The following LYRM4 variants were observed in gnomAD, a reference collection of about 807,000 sequenced individuals.
The protein encoded by LYRM4 is LYR motif-containing protein 4.
A neutral mutation model predicts 11.7 loss-of-function variants in LYRM4; 9 were observed. The observed-to-expected ratio is 0.77, with a 90% confidence interval of 0.46 to 1.34. LYRM4 has a LOEUF of 1.34. LYRM4 is among the 40% of genes most tolerant of loss of function. LYRM4 has a pLI of 0.00. For synonymous variants in LYRM4, 42 were observed against 40.4 expected, an observed-to-expected ratio of 1.04 and a Z score of -0.15; for missense variants, 133 against 112.5, an observed-to-expected ratio of 1.18 and a Z score of -0.82.
rs543801583 is a variant in LYRM4 at position 5,118,590 on chromosome 6, C to T, written c.208-9099G>A. ...GCCTGCAATTCATGCAGCAATTGTC[C>T]CTGGTGAGATCCCAGCATGGAGAGG... On this transcript the variant is annotated intron_variant, in intron 2 of 2. Coordinates refer to ENST00000330636, the MANE Select transcript of LYRM4 (RefSeq NM_020408.6). 1.2e-4 allele frequency among the ~76,000 whole-genome samples: 19 copies of T among 152,244 alleles called. No individual in the cohort carries two copies. The South Asian group carries it at 3.7e-3, about 30-fold the overall frequency.
intron 2 of LYRM4, among the ~76,000 whole-genome samples, chr6:5,150,538 G>T (rs1447408657): frequency 6.6e-6 from 1 of 152,162 alleles, no homozygotes; most frequent in Non-Finnish European, 1.5e-5. Flanking sequence ...TGAGCACAGT[G>T]CCTAGTACAC....
At position 5,133,336 on chromosome 6, in the gene LYRM4, G is replaced by A. The variant is rs768497774; in HGVS notation, c.208-23845C>T. ...AGGCAGCAGATTCCTGACAGCGTCT[G>A]CTGTCTGACAGGAGTGCAAAAGACA... On this transcript the variant is annotated intron_variant, in intron 2 of 2. Transcript: ENST00000330636. Among the ~76,000 whole-genome samples the A allele has an allele frequency of 7.1e-4, 108 of 152,244 alleles. 2 individuals carry two copies. Among genetic ancestry groups the A allele is most frequent in the Non-Finnish European group, 1.3e-3 (88 of 68,052 alleles).
chr6:5,241,166 C>T (rs1246815389), intron 1 of LYRM4, among the ~76,000 whole-genome samples: 2 of 151,948 alleles, frequency 1.3e-5, no homozygotes, highest in African/African-American at 2.4e-5. Context: ...AGTATGTGTC[C>T]GGCCCATGGG....
chr6:5,129,913 G>A (rs1045569211), intron 2 of LYRM4, among the ~76,000 whole-genome samples: 13 of 152,256 alleles, frequency 8.5e-5, no homozygotes, highest in Non-Finnish European at 1.8e-4. Context: ...CTGAGGTGAA[G>A]CAGGGGTATG....
chr6:5,085,914 C>G, the LYRM4 span: 2 of 1,530,232 alleles, frequency 1.3e-6, no homozygotes, highest in Admixed American at 2.0e-5. Flanking sequence ...TAAGCCTGGC[C>G]AGCGTGAAGC....
intron 2 of LYRM4, among the ~76,000 whole-genome samples, chr6:5,153,794 T>C (rs1758226964): frequency 1.3e-5 from 2 of 152,190 alleles, no homozygotes; most frequent in Non-Finnish European, 2.9e-5. Flanking sequence ...AACACTCAAA[T>C]GAAATGACCA....
At chr6:5,209,905 T>A (rs1481822574) in intron 2 of LYRM4, among the ~76,000 whole-genome samples, 1 of 152,214 alleles carries the variant, frequency 6.6e-6, no homozygotes, top group Non-Finnish European at 1.5e-5. Context: ...GTTATTACAT[T>A]ATTGTTCTTC....
At chr6:5,199,796 C>G (rs552240052) in intron 2 of LYRM4, among the ~76,000 whole-genome samples, 12 of 152,298 alleles carry the variant, frequency 7.9e-5, no homozygotes, top group African/African-American at 2.9e-4. Context: ...GGACATTTGG[C>G]CCAGGGTATT....
the LYRM4 span, chr6:5,086,055 T>C: frequency 6.8e-7 from 1 of 1,478,710 alleles, no homozygotes; most frequent in East Asian, 2.9e-5. Context: ...CCGCGCCCCT[T>C]TCAGCGCCGC....
intron 2 of LYRM4, among the ~76,000 whole-genome samples, chr6:5,197,525 A>T (rs980729167): frequency 6.6e-6 from 1 of 151,842 alleles, no homozygotes; most frequent in Non-Finnish European, 1.5e-5. Flanking sequence ...TACAAAAAAA[A>T]TTAGCTGGGC....
chr6:5,245,113 AATATATAT>A (rs1158676783), intron 1 of LYRM4, among the ~76,000 whole-genome samples: 433 of 23,900 alleles, frequency 0.018, 8 homozygotes, highest in Non-Finnish European at 0.02. Flanking sequence ...AAAAAAAAAA[AATATATAT>A]ATATATATAT....
At chr6:5,032,372 CTG>C in the LYRM4 span, 1 of 152,172 alleles carries the variant, frequency 6.6e-6, no homozygotes, top group Non-Finnish European at 1.5e-5. Context: ...TTTTTATTCA[CTG>C]TTTTTTAAAA....
intron 1 of LYRM4, among the ~76,000 whole-genome samples, chr6:5,221,772 T>C (rs984309228): frequency 1.4e-4 from 22 of 152,242 alleles, no homozygotes; most frequent in Admixed American, 2.0e-4. Context: ...AGAATCTTCA[T>C]GCAGTCAACT....
At chr6:5,157,583 G>T (rs560269731) in intron 2 of LYRM4, among the ~76,000 whole-genome samples, 1 of 151,780 alleles carries the variant, frequency 6.6e-6, no homozygotes, top group African/African-American at 2.4e-5. Flanking sequence ...GAATCATGTA[G>T]GTTACTTTAA....
At chr6:5,166,444 T>C (rs1354609310) in intron 2 of LYRM4, among the ~76,000 whole-genome samples, 1 of 152,254 alleles carries the variant, frequency 6.6e-6, no homozygotes, top group African/African-American at 2.4e-5. Flanking sequence ...TCTTCATTTG[T>C]TTTCAAGGTA....
intron 2 of LYRM4, among the ~76,000 whole-genome samples, chr6:5,142,153 C>G (rs1757442249): frequency 6.6e-6 from 1 of 152,170 alleles, no homozygotes; most frequent in African/African-American, 2.4e-5. Flanking sequence ...TGAACCTGGA[C>G]AGGTTCTATA....
Position 5,256,490 on chromosome 6 carries a change from G to GAAAAAAAAAAAAAAAA in LYRM4, c.86+4157_86+4158insTTTTTTTTTTTTTTTT, listed in dbSNP as rs777995486. Among the ~76,000 whole-genome samples, 41 of 37,522 alleles carry GAAAAAAAAAAAAAAAA rather than the reference G, an allele frequency of 1.1e-3. 15 individuals carry two copies. The highest frequency in any genetic ancestry group is 1.6e-3 in the Non-Finnish European group (29 of 18,394). The allele number at this position is 37,522 out of a possible 152,430, so 24.6% of individuals were successfully genotyped here. A position where few individuals can be genotyped will look rare whatever the true frequency, so the allele number is the denominator to read the frequency against. ...GGGCAACAAGGGCAAGATTTCAACT[G>GAAAAAAAAAAAAAAAA]GAAAAAAAAAAAAAAAAAAAAAAAA... On this transcript the variant is annotated intron_variant, in intron 1 of 2. Transcript: ENST00000330636.
At chr6:5,138,867 T>A in intron 2 of LYRM4, 13 of 591,220 alleles carry the variant, frequency 2.2e-5, no homozygotes, top group Non-Finnish European at 2.6e-5. Flanking sequence ...AGAAATGAGA[T>A]TAATCCTTTA....
chr6:5,140,242 C>T (rs1458070889), intron 2 of LYRM4, among the ~76,000 whole-genome samples: 1 of 151,782 alleles, frequency 6.6e-6, no homozygotes, highest in East Asian at 2.0e-4. Flanking sequence ...GAAAAAAAAA[C>T]CTTTCACCAC....
Sources: allele counts gnomAD v4.1 joint callset (sites outside exome capture counted in the v4.1 genomes callset), GRCh38; gene constraint gnomAD v4.1.1; transcripts MANE v1.5; gene names NCBI Gene and HGNC (gene_info 2026-07-23, HGNC 2026-07-21).